The following PPIL4 variants were observed in gnomAD, a reference collection of about 807,000 sequenced individuals.
PPIL4 encodes peptidylprolyl isomerase like 4.
Under a neutral mutation model 69.1 loss-of-function variants are expected in PPIL4, and 50 were observed. The observed-to-expected ratio is 0.72, with a 90% CI of 0.58 to 0.92. The LOEUF (loss-of-function observed/expected upper bound fraction) is 0.92. Ranked by LOEUF, PPIL4 falls within the 40% of genes least tolerant of loss-of-function variation. PPIL4 has a pLI of 0.00. For missense variants in PPIL4, 480 were observed against 587.9 expected, an observed-to-expected ratio of 0.82 and a Z score of 1.90; for synonymous variants, 193 against 191.6, an observed-to-expected ratio of 1.01 and a Z score of -0.06.
At chr6:149,516,296 T>C (rs1157235634) in intron 11 of PPIL4, among the ~76,000 whole-genome samples, 1 of 152,214 alleles carries the variant, frequency 6.6e-6, no homozygotes, top group Non-Finnish European at 1.5e-5. Flanking sequence ...TCTGTCTGCA[T>C]GTGAAAGCCT....
intron 11 of PPIL4, among the ~76,000 whole-genome samples, chr6:149,512,970 C>T (rs1028985001): frequency 6.6e-6 from 1 of 151,710 alleles, no homozygotes; most frequent in South Asian, 2.1e-4. Flanking sequence ...TCTCAAACAC[C>T]TGACCTCGTG....
At chr6:149,530,528 G>A (rs971470061) in intron 7 of PPIL4, among the ~76,000 whole-genome samples, 17 of 151,884 alleles carry the variant, frequency 1.1e-4, no homozygotes, top group South Asian at 2.1e-4. Context: ...GCGTGGTGGC[G>A]GGCACCTATA....
Position 149,541,014 on chromosome 6 carries a change from G to A in PPIL4, c.249C>T (p.Val83=). ...DQASFFEAEK[V]PRIKHKKKGT... The stretch of plus-strand genomic sequence containing the variant: ...CTTTCTTCTTGTGCTTAATTCTTGG[G>A]ACTTTTTCTGCCTCAAAAAAGCTTG... Residue 83 remains valine, a synonymous_variant, in exon 4 of 13, where the codon GTC becomes GTT. Transcript: ENST00000253329. 1.2e-6 allele frequency: 2 copies of A among 1,612,212 alleles called. No individual in the cohort carries two copies. The highest frequency in any genetic ancestry group is 1.1e-5 in the South Asian group (1 of 90,952).
chr6:149,514,962 G>A (rs750276825), intron 11 of PPIL4, among the ~76,000 whole-genome samples: 5 of 151,230 alleles, frequency 3.3e-5, no homozygotes, highest in African/African-American at 7.3e-5. Flanking sequence ...TCAGCCTCCC[G>A]AGTAGCTGGG....
intron 4 of PPIL4, among the ~76,000 whole-genome samples, chr6:149,536,585 T>A (rs913108987): frequency 3.3e-5 from 5 of 152,128 alleles, no homozygotes; most frequent in Non-Finnish European, 7.4e-5. Context: ...AACGATCCCT[T>A]AAGCCAAAGC....
chr6:149,534,437 G>A (rs1002328927), intron 6 of PPIL4, among the ~76,000 whole-genome samples: 2 of 152,170 alleles, frequency 1.3e-5, no homozygotes, highest in African/African-American at 4.8e-5. Flanking sequence ...AGGTGTTCAT[G>A]TAAGCTTCTA....
In PPIL4 at chr6:149,525,491, G is replaced by A. The variant is rs565125531; in HGVS notation, c.804-282C>T. 1.4e-4 allele frequency among the ~76,000 whole-genome samples: 21 copies of A among 152,116 alleles called. No homozygotes were observed. In the South Asian group the frequency reaches 3.7e-3, roughly 27 times the overall value. ...GAATAAAAATATTTAATTTTCCTTT[G>A]GCAAAAGTAAACTACTGCTAAAGAC... On this transcript the variant is annotated intron_variant, in intron 8 of 12. Coordinates refer to ENST00000253329, the MANE Select transcript of PPIL4 (RefSeq NM_139126.4).
chr6:149,537,185 ATCAC>A (rs1208038342), intron 4 of PPIL4, among the ~76,000 whole-genome samples: 1 of 152,132 alleles, frequency 6.6e-6, no homozygotes, highest in Non-Finnish European at 1.5e-5. Context: ...TCTAGCTAAG[ATCAC>A]TGATGAAGAT....
At chr6:149,540,298 C>G (rs77365538) in intron 4 of PPIL4, among the ~76,000 whole-genome samples, 5,052 of 152,044 alleles carry the variant, frequency 0.033, 302 homozygotes, top group African/African-American at 0.11. Flanking sequence ...AGGTACTCTG[C>G]GTAATGTTTT....
In PPIL4 at chr6:149,540,978, G is replaced by A. The variant is rs763657420; in HGVS notation, c.285C>T (p.Ser95=). The change falls in exon 4 of 13, where the codon TCC becomes TCT. Residue 95 remains serine (S), a synonymous_variant. Transcript: ENST00000253329. The stretch of plus-strand genomic sequence containing the variant: ...GTTGATCACTGCCATTATTCACCAT[G>A]GACACTGTGCCTTTCTTCTTGTGCT... ...RIKHKKKGTV[S]MVNNGSDQHG... The A allele has an allele frequency of 8.1e-6, 13 of 1,611,324 alleles. No individual in the cohort carries two copies. In the East Asian group the frequency reaches 1.8e-4, roughly 22 times the overall value.
chr6:149,530,554 G>C (rs943829869), intron 7 of PPIL4, among the ~76,000 whole-genome samples: 1 of 152,056 alleles, frequency 6.6e-6, no homozygotes, highest in Non-Finnish European at 1.5e-5. Context: ...TGCTACCCAG[G>C]AGGCTGAGGC....
chr6:149,526,801 TA>T, intron 7 of PPIL4, 25 bp from the exon 8 acceptor site: 2 of 1,605,968 alleles, frequency 1.2e-6, no homozygotes, highest in Non-Finnish European at 1.7e-6. Context: ...AACAAAAACA[TA>T]AATCAATTCC....
chr6:149,527,805 G>T (rs1042843352), intron 7 of PPIL4, among the ~76,000 whole-genome samples: 3 of 152,166 alleles, frequency 2.0e-5, no homozygotes, highest in African/African-American at 7.2e-5. Flanking sequence ...CTCTTTCAGA[G>T]ATTATTTCTG....
chr6:149,505,892 C>T (rs1776762929), intron 12 of PPIL4, among the ~76,000 whole-genome samples, 188 bp from the exon 13 acceptor site: 1 of 152,156 alleles, frequency 6.6e-6, no homozygotes, highest in Non-Finnish European at 1.5e-5. Flanking sequence ...AAAGGTTTAA[C>T]AACGTCATTG....
chr6:149,529,770 A>AT (rs1292188214), intron 7 of PPIL4, among the ~76,000 whole-genome samples: 5 of 151,968 alleles, frequency 3.3e-5, no homozygotes, highest in African/African-American at 1.2e-4. Flanking sequence ...CTCAAAAAAA[A>AT]AAAAAAAAGG....
At chr6:149,508,576 A>G (rs1013673038) in intron 12 of PPIL4, among the ~76,000 whole-genome samples, 1 of 152,222 alleles carries the variant, frequency 6.6e-6, no homozygotes, top group African/African-American at 2.4e-5. Context: ...ATCTGGTTAA[A>G]TCTTAGTCAC....
chr6:149,513,810 A>AAGT (rs150234217), intron 11 of PPIL4, among the ~76,000 whole-genome samples: 10,163 of 152,210 alleles, frequency 0.067, 792 homozygotes, highest in African/African-American at 0.19. Context: ...ATTCAGAGAT[A>AAGT]AGTATTTTCT....
chr6:149,541,411 A>T lies in PPIL4; in HGVS notation c.159T>A (p.Thr53=), dbSNP rs576168161. 3.2e-6 allele frequency: 5 copies of T among 1,566,532 alleles called. No individual in the cohort carries two copies. In the African/African-American group the frequency reaches 5.4e-5, roughly 17 times the overall value. Residue 53 remains threonine, a synonymous_variant, in exon 3 of 13, where the codon ACT becomes ACA. Transcript: ENST00000253329. ...HNVQRDFIIQ[T]GDPTGTGRGG... is the part of the protein sequence containing the mutation. ...CACGGCCAGTCCCTGTAGGATCGCC[A>T]GTTTGTATGATAAAATCCCTCTGTA...
At chr6:149,507,772 C>T (rs555853968) in intron 12 of PPIL4, among the ~76,000 whole-genome samples, 7 of 152,260 alleles carry the variant, frequency 4.6e-5, no homozygotes, top group Non-Finnish European at 8.8e-5. Context: ...GTTTTCAAAG[C>T]TACACAAGCT....
Sources: gnomAD v4.1 joint callset for allele counts (sites outside exome capture counted in the v4.1 genomes callset) on GRCh38, gnomAD v4.1.1 for gene constraint, MANE v1.5 for transcripts, NCBI Gene and HGNC (gene_info 2026-07-23, HGNC 2026-07-21) for gene names.